The following PACRGL variants were observed in gnomAD, a reference collection of about 807,000 sequenced individuals.
PACRGL encodes parkin coregulated like, also known as PACRG-like protein.
Under a neutral mutation model 34.5 loss-of-function variants are expected in PACRGL, and 38 were observed. That is an observed-to-expected ratio of 1.10 (90% CI 0.85 to 1.44). The LOEUF (loss-of-function observed/expected upper bound fraction) is 1.44. Ranked by LOEUF, PACRGL falls within the 40% of genes most tolerant of loss-of-function variation. The pLI is 0.00. For missense variants in PACRGL, 305 were observed against 281.4 expected, an observed-to-expected ratio of 1.08 and a Z score of -0.60; for synonymous variants, 128 against 100.1, an observed-to-expected ratio of 1.28 and a Z score of -1.66.
intron 8 of PACRGL, among the ~76,000 whole-genome samples, chr4:20,751,006 T>G (rs1753519062): frequency 6.6e-6 from 1 of 152,166 alleles, no homozygotes; most frequent in Non-Finnish European, 1.5e-5. Flanking sequence ...GCCATCTAAA[T>G]TTCTCTCCTG....
chr4:20,725,772 C>T (rs1160493815), intron 8 of PACRGL, among the ~76,000 whole-genome samples: 1 of 151,780 alleles, frequency 6.6e-6, no homozygotes, highest in Non-Finnish European at 1.5e-5. Context: ...TGATTATATT[C>T]TTTCCATGAT....
chr4:20,741,188 C>T (rs991512047), intron 8 of PACRGL, among the ~76,000 whole-genome samples: 3 of 152,150 alleles, frequency 2.0e-5, no homozygotes, highest in African/African-American at 7.2e-5. Context: ...CAAGGATATC[C>T]AGGACTTGAA....
intron 7 of PACRGL, among the ~76,000 whole-genome samples, chr4:20,722,517 A>G (rs558161056): frequency 3.7e-4 from 56 of 152,296 alleles, no homozygotes; most frequent in African/African-American, 1.3e-3. Flanking sequence ...ATGTGTGGCA[A>G]CGTGCATGGA....
At chr4:20,750,798 A>C (rs550069372) in intron 8 of PACRGL, among the ~76,000 whole-genome samples, 1 of 152,334 alleles carries the variant, frequency 6.6e-6, no homozygotes, top group Admixed American at 6.5e-5. Context: ...TTTTCAAAAT[A>C]AAATGGTAAC....
intron 8 of PACRGL, among the ~76,000 whole-genome samples, chr4:20,740,928 T>C (rs1250120338): frequency 1.3e-5 from 2 of 151,978 alleles, no homozygotes; most frequent in African/African-American, 4.8e-5. Context: ...AATCCTAGTC[T>C]CTGATAAAAC....
chr4:20,728,324 T>C lies in PACRGL; in HGVS notation c.*983T>C, dbSNP rs1356122532. Reference sequence around the variant, plus strand: ...AAATACTGATGTTCACTTAAAGATATTCAGCAATTAAAATGTTAAAACTTG... The same window carrying C: ...AAATACTGATGTTCACTTAAAGATACTCAGCAATTAAAATGTTAAAACTTG... On this transcript the variant is annotated 3_prime_UTR_variant, in exon 9 of 9. Transcript: ENST00000503585. 6.6e-6 allele frequency: 1 copy of C among 152,194 alleles called. No individual in the cohort carries two copies. The highest frequency in any genetic ancestry group is 1.5e-5 in the Non-Finnish European group (1 of 68,034). The allele number at this position is 152,194 out of a possible 1,614,324, so 9.4% of individuals were successfully genotyped here.
At chr4:20,759,642 A>AT in the PACRGL span, among the ~76,000 whole-genome samples, 1 of 109,906 alleles carries the variant, frequency 9.1e-6, no homozygotes, top group South Asian at 2.9e-4. Flanking sequence ...ATTTTTGCTA[A>AT]TAAAAAAAAG....
intron 8 of PACRGL, among the ~76,000 whole-genome samples, chr4:20,748,590 ATATATATATATATATTC>A (rs1379620847): frequency 9.9e-6 from 1 of 101,238 alleles, no homozygotes; most frequent in Non-Finnish European, 2.2e-5. Flanking sequence ...ATATATATAT[ATATATATATATATATTC>A]CATAAGTAAA....
chr4:20,723,282 A>C (rs1387915629), intron 7 of PACRGL, among the ~76,000 whole-genome samples: 1 of 152,194 alleles, frequency 6.6e-6, no homozygotes, highest in Non-Finnish European at 1.5e-5. Flanking sequence ...GACTCATTCA[A>C]ATATTCAGTC....
At chr4:20,748,591 TATATATA>T (rs1752926159) in intron 8 of PACRGL, among the ~76,000 whole-genome samples, 1 of 102,404 alleles carries the variant, frequency 9.8e-6, no homozygotes, top group African/African-American at 3.7e-5. Context: ...TATATATATA[TATATATA>T]TATATATTCC....
Position 20,704,495 on chromosome 4 carries a change from A to T in PACRGL, c.14A>T (p.Glu5Val). MQKS[E>V]GSGGTQLKNR... ...GAAAGGGAAGCAATGCAGAAATCAG[A>T]GGGCTCTGGAGGTACACAGTTGAAA... Residue 5 changes from glutamate to valine, a missense_variant, in exon 2 of 9, where the codon GAG (glutamate) becomes GTG (valine). Physicochemically the swap from Glu to Val is moderately radical, Grantham distance 121 (BLOSUM62 -2). Transcript: ENST00000503585. The T allele has an allele frequency of 6.2e-7, 1 of 1,613,964 alleles. No homozygotes were observed. Among genetic ancestry groups the T allele is most frequent in the African/African-American group, 1.3e-5 (1 of 74,986 alleles).
chr4:20,749,658 T>C, intron 8 of PACRGL: 6 of 1,591,612 alleles, frequency 3.8e-6, no homozygotes, highest in Non-Finnish European at 5.2e-6. Context: ...AATCCAGAGC[T>C]TACCTCGAAA....
rs1733680354 is a variant in PACRGL at position 20,704,545 on chromosome 4, T to C, written c.52+12T>C. 6.2e-7 allele frequency: 1 copy of C among 1,613,818 alleles called. No homozygotes were observed. The highest frequency in any genetic ancestry group is 8.5e-7 in the Non-Finnish European group (1 of 1,179,892). On this transcript the variant is annotated intron_variant, in intron 2 of 8. Transcript: ENST00000503585. ...AAACAGAGCAACAGGTACAGAGCTT[T>C]TGTTTTTAAGTGAAGAGGTCAAGTT...
At chr4:20,721,260 A>G (rs1350528706) in intron 7 of PACRGL, among the ~76,000 whole-genome samples, 1 of 152,084 alleles carries the variant, frequency 6.6e-6, no homozygotes, top group Non-Finnish European at 1.5e-5. Flanking sequence ...CTTCTTTGCA[A>G]TGGGTTCAAA....
At chr4:20,719,651 T>A (rs1357853545) in intron 7 of PACRGL, among the ~76,000 whole-genome samples, 2 of 152,240 alleles carry the variant, frequency 1.3e-5, no homozygotes, top group Admixed American at 1.3e-4. Context: ...TGAGTGAGTT[T>A]CTTAATCCTG....
the PACRGL span, among the ~76,000 whole-genome samples, chr4:20,765,297 A>C: frequency 6.6e-6 from 1 of 152,136 alleles, no homozygotes; most frequent in Non-Finnish European, 1.5e-5. Context: ...GACTGAAAAC[A>C]TAGTCTCCTG....
chr4:20,734,522 G>T, downstream of PACRGL: 9 of 550,838 alleles, frequency 1.6e-5, no homozygotes, highest in Non-Finnish European at 1.9e-5. Flanking sequence ...AAATATTTTG[G>T]AATTTCCTCA....
chr4:20,702,423 A>G (rs1329013688), intron 1 of PACRGL, among the ~76,000 whole-genome samples: 1 of 152,172 alleles, frequency 6.6e-6, no homozygotes, highest in Non-Finnish European at 1.5e-5. Flanking sequence ...AAAATGACAA[A>G]ACATGTGGTT....
chr4:20,761,730 A>G, the PACRGL span, among the ~76,000 whole-genome samples: 1 of 152,202 alleles, frequency 6.6e-6, no homozygotes, highest in African/African-American at 2.4e-5. Context: ...ATAATGTGAA[A>G]TGAATTTGTA....
Sources: gnomAD v4.1 joint callset for allele counts (sites outside exome capture counted in the v4.1 genomes callset) on GRCh38, gnomAD v4.1.1 for gene constraint, MANE v1.5 for transcripts, NCBI Gene and HGNC (gene_info 2026-07-23, HGNC 2026-07-21) for gene names.